The following KIF26B variants were observed in gnomAD, a reference collection of about 807,000 sequenced individuals.
The protein encoded by KIF26B is kinesin family member 26B.
A neutral mutation model predicts 151.2 loss-of-function variants in KIF26B; 63 were observed. The ratio of observed to expected loss-of-function variants is 0.42; its 90% confidence interval spans 0.34 to 0.51. The LOEUF is 0.51. Among genes scored for constraint, KIF26B ranks in the 20% least tolerant of loss-of-function variants. The probability of loss-of-function intolerance (pLI) is 0.07; values close to 1 mark genes in which losing one functional copy is unlikely to be tolerated. For synonymous variants in KIF26B, 1,357 were observed against 1,262.1 expected (o/e 1.08, Z -1.59); for missense variants, 2,813 against 2,913.6 (o/e 0.97, Z 0.79).
chr1:245,220,980 A>C (rs1669755354), intron 2 of KIF26B, among the ~76,000 whole-genome samples: 1 of 152,172 alleles, frequency 6.6e-6, no homozygotes, highest in South Asian at 2.1e-4. Flanking sequence ...AGTGGCCATA[A>C]AAACCAAACA....
intron 2 of KIF26B, among the ~76,000 whole-genome samples, chr1:245,211,605 C>T (rs1669532797): frequency 6.6e-6 from 1 of 151,940 alleles, no homozygotes; most frequent in South Asian, 2.1e-4. Flanking sequence ...GCTGTGTTGC[C>T]CAGGCTGGTC....
chr1:245,527,876 A>G (rs1196127118), intron 4 of KIF26B, among the ~76,000 whole-genome samples: 1 of 151,952 alleles, frequency 6.6e-6, no homozygotes, highest in Non-Finnish European at 1.5e-5. Flanking sequence ...CTGGTGTCTT[A>G]GGTGTTTACA....
In KIF26B at chr1:245,668,737, T is replaced by A. The variant is rs189751962; in HGVS notation, c.2259-15496T>A. Reference sequence around the variant, plus strand: ...ACAGCGTCTTGCTCTGTCACCAGGCTGGAGTGCAGTGGCACAATCTTGGCT... The same window carrying A: ...ACAGCGTCTTGCTCTGTCACCAGGCAGGAGTGCAGTGGCACAATCTTGGCT... On this transcript the variant is annotated intron_variant, in intron 10 of 14. Coordinates refer to ENST00000407071, the MANE Select transcript of KIF26B (RefSeq NM_018012.4). Among the ~76,000 whole-genome samples the A allele has an allele frequency of 2.1e-3, 320 of 152,198 alleles. 1 individual carries two copies. The highest frequency in any genetic ancestry group is 4.1e-3 in the Admixed American group (62 of 15,302).
Position 245,557,813 on chromosome 1 carries a change from G to GGGCATGTCCCTCTAACTAGAGGTAA in KIF26B, c.1350+16869_1350+16893dup, listed in dbSNP as rs1206425026. 2.6e-3 allele frequency among the ~76,000 whole-genome samples: 402 copies of GGGCATGTCCCTCTAACTAGAGGTAA among 152,302 alleles called. 3 individuals are homozygous for GGGCATGTCCCTCTAACTAGAGGTAA. The highest frequency in any genetic ancestry group is 3.2e-3 in the Non-Finnish European group (219 of 68,026). ...AAGGTCCAAACTGAGGCCAATCTCA[G>GGGCATGTCCCTCTAACTAGAGGTAA]GGCATGTCCCTCTAACTAGAGGTAA... On this transcript the variant is annotated intron_variant, in intron 5 of 14. Coordinates refer to ENST00000407071, the MANE Select transcript of KIF26B (RefSeq NM_018012.4).
chr1:245,184,421 T>C (rs1262105956), intron 2 of KIF26B, among the ~76,000 whole-genome samples: 1 of 152,144 alleles, frequency 6.6e-6, no homozygotes, highest in Non-Finnish European at 1.5e-5. Context: ...GACTCTGGCC[T>C]TGGCGTTTGT....
In KIF26B at chr1:245,247,444, C is replaced by T. The variant is rs111506659; in HGVS notation, c.465+90761C>T. ...ATGTACCCCAGCCTGGGCGACAGAG[C>T]GAGACTGCATCTTAAAAAAAATAAA... On this transcript the variant is annotated intron_variant, in intron 2 of 14. Transcript: ENST00000407071. 4.9e-3 allele frequency among the ~76,000 whole-genome samples: 738 copies of T among 152,116 alleles called. 2 individuals carry two copies. Among genetic ancestry groups the T allele is most frequent in the African/African-American group, 0.017 (709 of 41,478 alleles).
chr1:245,539,678 A>G (rs1274735281), intron 4 of KIF26B, among the ~76,000 whole-genome samples: 1 of 152,122 alleles, frequency 6.6e-6, no homozygotes. Context: ...TTTGAGACGG[A>G]GTCTCACTCT....
Position 245,688,485 on chromosome 1 carries a change from G to T in KIF26B, c.5502G>T (p.Gly1834=). Residue 1834 remains glycine, a synonymous_variant, in exon 12 of 15, where the codon GGG becomes GGT. Transcript: ENST00000407071. ...GGCCCGAGGCGGAGGCGCGCGGGGGGGCCCTGGCCGAGGACGAGCCCGCGG... is the reference window on the plus strand; with the variant it reads ...GGCCCGAGGCGGAGGCGCGCGGGGGTGCCCTGGCCGAGGACGAGCCCGCGG... ...RAGPEAEARG[G]ALAEDEPAAA... 1 of 1,426,882 alleles carries T rather than the reference G, an allele frequency of 7.0e-7. No individual in the cohort carries two copies. The highest frequency in any genetic ancestry group is 9.1e-7 in the Non-Finnish European group (1 of 1,100,166). 88.4% of individuals were successfully genotyped at this position (1,426,882 alleles called of 1,614,324 possible). A position where few individuals can be genotyped will look rare whatever the true frequency, so the allele number is the denominator to read the frequency against.
intron 2 of KIF26B, among the ~76,000 whole-genome samples, chr1:245,179,302 C>T (rs1425310063): frequency 1.3e-5 from 2 of 152,178 alleles, no homozygotes; most frequent in African/African-American, 4.8e-5. Context: ...ATATGTGCCA[C>T]TTTCTCTGTG....
chr1:245,436,746 T>C (rs1203306745), intron 4 of KIF26B, among the ~76,000 whole-genome samples: 1 of 152,184 alleles, frequency 6.6e-6, no homozygotes, highest in Non-Finnish European at 1.5e-5. Flanking sequence ...CCTAGCCAAG[T>C]TGACACATAA....
At chr1:245,409,788 A>T (rs1309257294) in intron 3 of KIF26B, among the ~76,000 whole-genome samples, 4 of 152,130 alleles carry the variant, frequency 2.6e-5, no homozygotes, top group African/African-American at 9.7e-5. Context: ...AGAGTCTCAG[A>T]GGTGATTTGT....
intron 4 of KIF26B, among the ~76,000 whole-genome samples, chr1:245,427,584 G>A (rs534742051): frequency 6.6e-6 from 1 of 152,288 alleles, no homozygotes; most frequent in East Asian, 1.9e-4. Flanking sequence ...CTCCAGCCTG[G>A]ACAGCAAGGG....
rs868600857 is a variant in KIF26B, at chr1:245,431,218, G to A, written c.1166+11473G>A. ...TTTTGAGACAGAGTCTCGCTCCGTC[G>A]CCCAGGCTGGAGTGCAGTGGTGCGA... is the stretch of plus-strand genomic sequence containing the variant. On this transcript the variant is annotated intron_variant, in intron 4 of 14. Transcript: ENST00000407071. Among the ~76,000 whole-genome samples the A allele has an allele frequency of 2.0e-4, 31 of 152,274 alleles. 1 individual carries two copies. The highest frequency in any genetic ancestry group is 5.8e-4 in the African/African-American group (24 of 41,546).
At chr1:245,607,597 G>T (rs867657157) in intron 6 of KIF26B, 54 bp from the exon 7 acceptor site, 2 of 1,422,660 alleles carry the variant, frequency 1.4e-6, no homozygotes, top group Non-Finnish European at 1.9e-6. Context: ...GTTGTTAGTG[G>T]TGTCTCCGCT....
At chr1:245,636,605 T>C (rs2043837030) in intron 9 of KIF26B, among the ~76,000 whole-genome samples, 7 of 152,050 alleles carry the variant, frequency 4.6e-5, no homozygotes, top group Admixed American at 2.6e-4. Flanking sequence ...TCCTTTTATC[T>C]AACTGTATGT....
intron 4 of KIF26B, among the ~76,000 whole-genome samples, chr1:245,456,180 GT>G (rs148377136): frequency 0.022 from 3,368 of 152,146 alleles, 61 homozygotes; most frequent in South Asian, 0.034. Flanking sequence ...ACATTTACCT[GT>G]GTCATTTAGT....
intron 2 of KIF26B, among the ~76,000 whole-genome samples, chr1:245,163,568 T>G (rs1307915067): frequency 1.3e-5 from 2 of 152,184 alleles, no homozygotes; most frequent in Non-Finnish European, 2.9e-5. Context: ...TTTTTTTTGT[T>G]AGGACCGTGT....
intron 2 of KIF26B, among the ~76,000 whole-genome samples, chr1:245,193,470 C>A (rs73125097): frequency 0.12 from 18,571 of 150,528 alleles, 1,305 homozygotes; most frequent in African/African-American, 0.2. Flanking sequence ...CTTAGGCTTT[C>A]CTTTTTAAAT....
chr1:245,188,260 A>G (rs577818238), intron 2 of KIF26B, among the ~76,000 whole-genome samples: 2 of 146,542 alleles, frequency 1.4e-5, no homozygotes, highest in Admixed American at 6.8e-5. Context: ...AGTCTGGGCA[A>G]GAAGAGTGAA....
Sources: allele counts gnomAD v4.1 joint callset (sites outside exome capture counted in the v4.1 genomes callset), GRCh38; gene constraint gnomAD v4.1.1; transcripts MANE v1.5; gene names NCBI Gene and HGNC (gene_info 2026-07-23, HGNC 2026-07-21).